Variants in TLK1 observed in about 807,000 individuals in gnomAD.
The protein encoded by TLK1 is serine/threonine-protein kinase tousled-like 1.
TLK1 carries 24 observed loss-of-function variants against 105.3 expected under a neutral mutation model. The ratio of observed to expected loss-of-function variants is 0.23; its 90% CI spans 0.17 to 0.32. TLK1 has a LOEUF of 0.32. Among genes scored for constraint, TLK1 ranks in the 10% least tolerant of loss-of-function variants. The pLI is 1.00. For missense variants in TLK1, 558 were observed against 910.5 expected, an observed-to-expected ratio of 0.61 and a Z score of 4.98; for synonymous variants, 321 against 310.4, an observed-to-expected ratio of 1.03 and a Z score of -0.36.
intron 1 of TLK1, among the ~76,000 whole-genome samples, chr2:171,148,492 C>T (rs776085963): frequency 5.3e-5 from 8 of 151,880 alleles, no homozygotes; most frequent in Non-Finnish European, 8.8e-5. Context: ...AAAAAACAAG[C>T]TAATATTATG....
intron 3 of TLK1, among the ~76,000 whole-genome samples, chr2:171,062,752 GAACT>G (rs1194749125): frequency 1.3e-5 from 2 of 152,086 alleles, no homozygotes; most frequent in Admixed American, 1.3e-4. Flanking sequence ...CCTACATCAA[GAACT>G]AACTAAATGA....
intron 1 of TLK1, among the ~76,000 whole-genome samples, chr2:171,229,898 C>T (rs181411927): frequency 1.9e-4 from 29 of 152,328 alleles, no homozygotes; most frequent in African/African-American, 6.3e-4. Context: ...GCTCCAGGTT[C>T]TACCATGCAC....
chr2:171,044,816 A>G (rs1212548764), intron 11 of TLK1, among the ~76,000 whole-genome samples: 1 of 152,148 alleles, frequency 6.6e-6, no homozygotes, highest in Non-Finnish European at 1.5e-5. Flanking sequence ...GTCTTTTTGG[A>G]AAAAAATAAG....
chr2:171,068,936 T>C (rs1236599635), intron 3 of TLK1, among the ~76,000 whole-genome samples: 1 of 152,186 alleles, frequency 6.6e-6, no homozygotes, highest in Non-Finnish European at 1.5e-5. Flanking sequence ...AATACATCTT[T>C]CTAATATTTT....
chr2:171,065,749 G>A (rs982201392), intron 3 of TLK1, among the ~76,000 whole-genome samples: 1 of 152,182 alleles, frequency 6.6e-6, no homozygotes, highest in Non-Finnish European at 1.5e-5. Flanking sequence ...GTGTTAGCCA[G>A]GATGGTCTCG....
rs371437717 is a variant in TLK1, at chr2:171,160,458, C to T, written c.-30G>A. On this transcript the variant is annotated 5_prime_UTR_variant, in exon 1 of 21. Coordinates refer to ENST00000431350, the MANE Select transcript of TLK1 (RefSeq NM_012290.5). The surrounding 1 kb of genome is among the most constrained non-coding windows in gnomAD (Gnocchi z 4.4). The stretch of plus-strand genomic sequence containing the variant: ...CTACTTTCTGGGAACCCGACTCCCC[C>T]CCTGCGACGGCAGCGGCGGCAACGG... 5.7e-6 allele frequency: 9 copies of T among 1,583,478 alleles called. No individual in the cohort carries two copies. The highest frequency in any genetic ancestry group is 2.5e-5 in the East Asian group (1 of 40,642).
chr2:171,103,839 A>G (rs968075037), intron 2 of TLK1, among the ~76,000 whole-genome samples: 1 of 152,254 alleles, frequency 6.6e-6, no homozygotes, highest in African/African-American at 2.4e-5. Context: ...TATGTATAGC[A>G]GATGACACAA....
Position 171,084,796 on chromosome 2 carries a change from C to T in TLK1, c.259-1944G>A, listed in dbSNP as rs985570351. 3.3e-5 allele frequency among the ~76,000 whole-genome samples: 5 copies of T among 151,952 alleles called. No individual in the cohort carries two copies. The South Asian group carries it at 8.3e-4, about 25-fold the overall frequency. On this transcript the variant is annotated intron_variant, in intron 2 of 20. Coordinates refer to ENST00000431350, the MANE Select transcript of TLK1 (RefSeq NM_012290.5). ...CAAGACATGAAACAACTATATAAAT[C>T]AGATTTCAAAAAACTCGGAAATAAG...
intron 6 of TLK1, 34 bp downstream of exon 6, chr2:171,056,437 A>C: frequency 1.9e-6 from 3 of 1,581,132 alleles, no homozygotes; most frequent in Non-Finnish European, 2.6e-6. Flanking sequence ...ACCCTCCCAA[A>C]GACTACACAT....
chr2:171,146,828 C>A (rs1434188317), intron 1 of TLK1, among the ~76,000 whole-genome samples: 3 of 152,204 alleles, frequency 2.0e-5, no homozygotes, highest in African/African-American at 2.4e-5. Context: ...TTTCACAGCA[C>A]TGGAAACAGT....
chr2:171,071,184 G>A (rs779147981), intron 3 of TLK1, among the ~76,000 whole-genome samples: 1 of 152,172 alleles, frequency 6.6e-6, no homozygotes, highest in Non-Finnish European at 1.5e-5. Flanking sequence ...TTCCTTGTCA[G>A]ATGGATAGTT....
At chr2:171,072,388 C>T (rs751722087) in intron 3 of TLK1, among the ~76,000 whole-genome samples, 2 of 151,996 alleles carry the variant, frequency 1.3e-5, no homozygotes, top group South Asian at 2.1e-4. Flanking sequence ...CCAAGGGGGG[C>T]GGATCACTTG....
chr2:171,017,170 A>G lies in TLK1; in HGVS notation c.1237-2222T>C, dbSNP rs368448356. ...TATCATAGTTAGCCATGTAAAACAGATAAGAAACTTGCCTACAGGTTTACC... is the reference window on the plus strand; with the variant it reads ...TATCATAGTTAGCCATGTAAAACAGGTAAGAAACTTGCCTACAGGTTTACC... On this transcript the variant is annotated intron_variant, in intron 12 of 20. Transcript: ENST00000431350. 3.3e-5 allele frequency among the ~76,000 whole-genome samples: 5 copies of G among 152,314 alleles called. No homozygotes were observed. In the East Asian group the frequency reaches 7.7e-4, roughly 23 times the overall value.
At chr2:171,212,635 C>A (rs1384641484) in intron 1 of TLK1, among the ~76,000 whole-genome samples, 1 of 151,574 alleles carries the variant, frequency 6.6e-6, no homozygotes, top group Non-Finnish European at 1.5e-5. Flanking sequence ...GTCCTTTCTA[C>A]CTCTAGCATG....
chr2:171,116,646 G>A (rs1335591619), intron 2 of TLK1, among the ~76,000 whole-genome samples: 1 of 150,662 alleles, frequency 6.6e-6, no homozygotes, highest in East Asian at 2.0e-4. Flanking sequence ...GTTGCAGTGA[G>A]CCAAGATCAT....
intron 3 of TLK1, chr2:171,066,807 G>C: frequency 6.5e-7 from 1 of 1,546,798 alleles, no homozygotes; most frequent in Non-Finnish European, 8.7e-7. Context: ...TATAAAATTA[G>C]AATAAAGTTG....
intron 11 of TLK1, among the ~76,000 whole-genome samples, chr2:171,031,736 A>G (rs1335767975): frequency 6.6e-6 from 1 of 152,242 alleles, no homozygotes; most frequent in Non-Finnish European, 1.5e-5. Flanking sequence ...TTTAATTTTA[A>G]AAGTGTTCTA....
At chr2:171,003,027 C>A (rs1378612068) in intron 18 of TLK1, among the ~76,000 whole-genome samples, 1 of 151,848 alleles carries the variant, frequency 6.6e-6, no homozygotes, top group Non-Finnish European at 1.5e-5. Flanking sequence ...GTAATCCCAG[C>A]ACTTTGGGAG....
chr2:171,020,079 A>T (rs1175062851), intron 12 of TLK1, among the ~76,000 whole-genome samples: 3 of 136,184 alleles, frequency 2.2e-5, no homozygotes, highest in African/African-American at 5.2e-5. Context: ...AAAAAAAAAA[A>T]TTTAACACCA....
Sources: gnomAD v4.1 joint callset for allele counts (sites outside exome capture counted in the v4.1 genomes callset) on GRCh38, gnomAD v4.1.1 for gene constraint, Gnocchi (gnomAD v3.1) non-coding constraint, MANE v1.5 for transcripts, NCBI Gene and HGNC (gene_info 2026-07-23, HGNC 2026-07-21) for gene names.